HECTD4: variants seen among roughly 807,000 people sequenced by gnomAD.
HECTD4 encodes HECT domain E3 ubiquitin protein ligase 4.
A neutral mutation model predicts 471.5 loss-of-function variants in HECTD4; 114 were observed. The ratio of observed to expected loss-of-function variants is 0.24; its 90% CI spans 0.21 to 0.28. HECTD4 has a LOEUF of 0.28. Ranked by LOEUF, HECTD4 falls within the 10% of genes least tolerant of loss-of-function variation. HECTD4 has a pLI of 1.00. For synonymous variants in HECTD4, 2,012 were observed against 2,256.0 expected (o/e 0.89, Z 3.07); for missense variants, 3,866 against 5,651.5 (o/e 0.68, Z 10.13).
At chr12:112,335,639 GAT>G (rs1490187426) in intron 1 of HECTD4, among the ~76,000 whole-genome samples, 1 of 152,062 alleles carries the variant, frequency 6.6e-6, no homozygotes, top group Non-Finnish European at 1.5e-5. Context: ...AGTGAGCCAA[GAT>G]CACACCGCTG....
chr12:112,302,637 C>G (rs998304982), intron 7 of HECTD4: 30 of 610,068 alleles, frequency 4.9e-5, no homozygotes, highest in Non-Finnish European at 8.8e-5. Flanking sequence ...CCGGGGCCAC[C>G]TTCTTCCCCT....
At chr12:112,241,154 A>C (rs1161548645) in intron 32 of HECTD4, among the ~76,000 whole-genome samples, 3 of 152,150 alleles carry the variant, frequency 2.0e-5, no homozygotes, top group African/African-American at 7.2e-5. Context: ...GGTGATTTTC[A>C]TTGTATTTTT....
Position 112,230,695 on chromosome 12 carries a change from C to T in HECTD4, c.6328G>A (p.Ala2110Thr). 6.2e-7 allele frequency: 1 copy of T among 1,609,944 alleles called. No individual in the cohort carries two copies. The highest frequency in any genetic ancestry group is 8.5e-7 in the Non-Finnish European group (1 of 1,178,024). The change falls in exon 40 of 76, where the codon GCA becomes ACA. Residue 2110 changes from alanine to threonine, a missense_variant. Coordinates refer to ENST00000682272, the MANE Select transcript of HECTD4 (RefSeq NM_001388303.1). ...SNAAQIWTTTAEKVLSRALMY... is the reference protein window; with the variant it reads ...SNAAQIWTTTTEKVLSRALMY... Reference sequence around the variant, plus strand: ...AGCAACACTGCGCTAACCTTCTCTGCTGTTGTGGTCCATATTTGAGCAGCA... The same window carrying T: ...AGCAACACTGCGCTAACCTTCTCTGTTGTTGTGGTCCATATTTGAGCAGCA...
intron 17 of HECTD4, among the ~76,000 whole-genome samples, chr12:112,263,724 TACACACACAC>T (rs367597011): frequency 1.6e-5 from 2 of 125,120 alleles, no homozygotes; most frequent in East Asian, 2.1e-4. Context: ...TATATATATA[TACACACACAC>T]ACACACACAC....
chr12:112,248,629 G>T, intron 25 of HECTD4, 117 bp from the exon 26 acceptor site: 1 of 636,552 alleles, frequency 1.6e-6, no homozygotes. Context: ...CACCTAGGCT[G>T]CAGTTCAGTG....
At position 112,168,203 on chromosome 12, in the gene HECTD4, C is replaced by T. The variant is rs1174472418; in HGVS notation, c.12209-286G>A. On this transcript the variant is annotated intron_variant, in intron 70 of 75. Coordinates refer to ENST00000682272, the MANE Select transcript of HECTD4 (RefSeq NM_001388303.1). ...GACCGTACCTACCCCGAAGGCCATT[C>T]GAAGATTCAGTGAGGTCACCGCAGG... Among the ~76,000 whole-genome samples, 3 of 152,158 alleles carry T rather than the reference C, an allele frequency of 2.0e-5. No individual in the cohort carries two copies. In the East Asian group the frequency reaches 5.8e-4, roughly 29 times the overall value.
chr12:112,276,682 T>C (rs144797101), intron 9 of HECTD4, among the ~76,000 whole-genome samples: 146 of 152,274 alleles, frequency 9.6e-4, no homozygotes, highest in African/African-American at 3.0e-3. Flanking sequence ...CTTGACCTCA[T>C]GATCTGCCCG....
chr12:112,248,051 CATACAAT>C lies in HECTD4; in HGVS notation c.4248+9_4248+15del, dbSNP rs781375163. 1 of 1,586,874 alleles carries C rather than the reference CATACAAT, an allele frequency of 6.3e-7. No homozygotes were observed. Among genetic ancestry groups the C allele is most frequent in the South Asian group, 1.1e-5 (1 of 89,314 alleles). On this transcript the variant is annotated intron_variant, in intron 27 of 75. Coordinates refer to ENST00000682272, the MANE Select transcript of HECTD4 (RefSeq NM_001388303.1). Reference sequence around the variant, plus strand: ...AAATGGCAATACCCCAGTGACAAATCATACAATTTGCTCACCTCATTAAAATGGTAAT... The same window carrying C: ...AAATGGCAATACCCCAGTGACAAATCTTGCTCACCTCATTAAAATGGTAAT...
At chr12:112,275,013 T>C (rs1288135305) in intron 9 of HECTD4, 53 bp from the exon 10 acceptor site, 5 of 1,111,306 alleles carry the variant, frequency 4.5e-6, no homozygotes, top group African/African-American at 1.6e-5. Context: ...ATTTTTAAAG[T>C]TTAAATTTTA....
chr12:112,184,047 G>T lies in HECTD4; in HGVS notation c.10779+140C>A. ...ACGTTACCCCAAGCAGCCTCACTGTGCTCATTCCAAGGGCTGCCCCAGGGA... is the reference window on the plus strand; with the variant it reads ...ACGTTACCCCAAGCAGCCTCACTGTTCTCATTCCAAGGGCTGCCCCAGGGA... On this transcript the variant is annotated intron_variant, in intron 61 of 75. Transcript: ENST00000682272. This position sits in a 1 kb window ranked among gnomAD's most constrained non-coding sequence, Gnocchi z 9.1. 1.3e-6 allele frequency: 1 copy of T among 795,264 alleles called. No individual in the cohort carries two copies. The highest frequency in any genetic ancestry group is 2.0e-6 in the Non-Finnish European group (1 of 488,688). The allele number at this position is 795,264 out of a possible 1,614,324, so 49.3% of individuals were successfully genotyped here.
At chr12:112,363,992 CA>C (rs1175386198) in intron 1 of HECTD4, among the ~76,000 whole-genome samples, 698 of 52,882 alleles carry the variant, frequency 0.013, 2 homozygotes, top group African/African-American at 0.034. Flanking sequence ...ACTCAATCTC[CA>C]AAAAAAAAAA....
At chr12:112,292,143 T>G (rs2034901267) in intron 7 of HECTD4, among the ~76,000 whole-genome samples, 1 of 152,110 alleles carries the variant, frequency 6.6e-6, no homozygotes, top group African/African-American at 2.4e-5. Flanking sequence ...CGTCTCCAAC[T>G]TCATCTCCCA....
chr12:112,197,490 CAA>C (rs1426131456), intron 55 of HECTD4, among the ~76,000 whole-genome samples: 1 of 152,204 alleles, frequency 6.6e-6, no homozygotes, highest in Non-Finnish European at 1.5e-5. Flanking sequence ...CCCAGCTAAC[CAA>C]AGTCTTCTTT....
intron 7 of HECTD4, among the ~76,000 whole-genome samples, chr12:112,296,403 G>T (rs565458573): frequency 6.7e-6 from 1 of 150,214 alleles, no homozygotes; most frequent in Admixed American, 6.6e-5. Flanking sequence ...GTGGATGTGG[G>T]TGCAGAGGAT....
In HECTD4 at chr12:112,185,024, T is replaced by A; in HGVS notation, c.9942A>T (p.Lys3314Asn). Reference sequence around the variant, plus strand: ...AGGCCTTTTCCCGCTTCATCTTGACTTTTTTCCTCTTGGAGAGGAGGCTGG... The same window carrying A: ...AGGCCTTTTCCCGCTTCATCTTGACATTTTTCCTCTTGGAGAGGAGGCTGG... ...QSPSLLSKRK[K>N]VKMKREKASS... The change falls in exon 61 of 76, where the codon AAA becomes AAT. Residue 3314 changes from lysine (K) to asparagine (N), a missense_variant. Transcript: ENST00000682272. 6.2e-7 allele frequency: 1 copy of A among 1,600,570 alleles called. No homozygotes were observed. Among genetic ancestry groups the A allele is most frequent in the Non-Finnish European group, 8.5e-7 (1 of 1,173,646 alleles).
chr12:112,286,217 A>T (rs2034749338), intron 7 of HECTD4, among the ~76,000 whole-genome samples: 1 of 152,210 alleles, frequency 6.6e-6, no homozygotes, highest in Admixed American at 6.5e-5. Flanking sequence ...AGACAGGAAG[A>T]GCTGGGAGGA....
At chr12:112,304,565 A>C (rs569925678) in intron 7 of HECTD4, among the ~76,000 whole-genome samples, 1 of 151,902 alleles carries the variant, frequency 6.6e-6, no homozygotes. Flanking sequence ...GGCTCAAGAG[A>C]TCCTCCCATC....
At chr12:112,175,931 T>C in intron 65 of HECTD4, 72 bp from the exon 66 acceptor site, 1 of 1,570,010 alleles carries the variant, frequency 6.4e-7, no homozygotes, top group South Asian at 1.2e-5. Flanking sequence ...CGTGCTCTGC[T>C]CTCACCACAG....
rs1206342907 is a variant in HECTD4, at chr12:112,216,811, C to T, written c.7347G>A (p.Gly2449=). The change falls in exon 47 of 76, where the codon GGG becomes GGA. Residue 2449 remains glycine (G), a synonymous_variant. Transcript: ENST00000682272. Reference sequence around the variant, plus strand: ...AAGTGCCCACTGGATTAGTCCAAGCCCCATCTCGCTTCTCTGCTTCTGTAG... The same window carrying T: ...AAGTGCCCACTGGATTAGTCCAAGCTCCATCTCGCTTCTCTGCTTCTGTAG... The part of the protein sequence containing the change: ...GFTTEAEKRD[G]AWTNPVGTCL... The T allele has an allele frequency of 1.2e-6, 2 of 1,613,814 alleles. No homozygotes were observed. The highest frequency in any genetic ancestry group is 1.3e-5 in the African/African-American group (1 of 74,920).
Sources: gnomAD v4.1 joint callset for allele counts (sites outside exome capture counted in the v4.1 genomes callset) on GRCh38, gnomAD v4.1.1 for gene constraint, Gnocchi (gnomAD v3.1) non-coding constraint, MANE v1.5 for transcripts, NCBI Gene and HGNC (gene_info 2026-07-23, HGNC 2026-07-21) for gene names.